Variants in POU2F1 observed in about 807,000 individuals in gnomAD.
POU2F1 encodes the protein POU class 2 homeobox 1.
A neutral mutation model predicts 84.9 loss-of-function variants in POU2F1; 16 were observed. The ratio of observed to expected loss-of-function variants is 0.19; its 90% CI spans 0.13 to 0.29. The LOEUF (loss-of-function observed/expected upper bound fraction) is 0.29. Among genes scored for constraint, POU2F1 ranks in the 10% least tolerant of loss-of-function variants. The pLI is 1.00. For missense variants in POU2F1, 738 were observed against 942.6 expected, an observed-to-expected ratio of 0.78 and a Z score of 2.84; for synonymous variants, 368 against 368.3, an observed-to-expected ratio of 1.00 and a Z score of 0.01.
intron 1 of POU2F1, among the ~76,000 whole-genome samples, chr1:167,309,548 T>C (rs916655444): frequency 6.6e-6 from 1 of 152,192 alleles, no homozygotes; most frequent in African/African-American, 2.4e-5. Context: ...CCCCATCTAA[T>C]GACTTTTGGA....
intron 1 of POU2F1, among the ~76,000 whole-genome samples, chr1:167,252,155 G>GC (rs1650781223): frequency 1.3e-5 from 2 of 151,844 alleles, no homozygotes; most frequent in Admixed American, 6.6e-5. Flanking sequence ...AGCCACCGCT[G>GC]CAAGTCTCTT....
In POU2F1 at chr1:167,420,348, G is replaced by T. The variant is rs1370983809; in HGVS notation, c.*4538G>T. The T allele has an allele frequency of 2.0e-5, 3 of 151,990 alleles. No homozygotes were observed. Among genetic ancestry groups the T allele is most frequent in the Admixed American group, 1.3e-4 (2 of 15,266 alleles). 9.4% of individuals were successfully genotyped at this position (151,990 alleles called of 1,614,324 possible). Reference sequence around the variant, plus strand: ...CCGGCTAATTTTTGTATTTTTAGTAGGGACGGGATTTCTCCGTGTTGGCCA... The same window carrying T: ...CCGGCTAATTTTTGTATTTTTAGTATGGACGGGATTTCTCCGTGTTGGCCA... On this transcript the variant is annotated 3_prime_UTR_variant, in exon 16 of 16. Transcript: ENST00000367866.
At chr1:167,388,834 A>T (rs572262985) in intron 8 of POU2F1, among the ~76,000 whole-genome samples, 10 of 152,324 alleles carry the variant, frequency 6.6e-5, no homozygotes, top group African/African-American at 2.4e-4. Context: ...GTGTTAGCAT[A>T]GGCTTAGAGA....
chr1:167,263,985 C>A (rs1320686789), intron 1 of POU2F1, among the ~76,000 whole-genome samples: 1 of 152,092 alleles, frequency 6.6e-6, no homozygotes, highest in Admixed American at 6.5e-5. Flanking sequence ...TGTGGCCAAT[C>A]CTGGGTTATG....
intron 2 of POU2F1, among the ~76,000 whole-genome samples, chr1:167,344,878 A>G (rs1658088751): frequency 6.6e-6 from 1 of 152,210 alleles, no homozygotes; most frequent in Non-Finnish European, 1.5e-5. Context: ...CAGATGATGC[A>G]GCCATAAAAA....
At chr1:167,377,947 G>A (rs1472057403) in intron 7 of POU2F1, among the ~76,000 whole-genome samples, 1 of 152,076 alleles carries the variant, frequency 6.6e-6, no homozygotes, top group African/African-American at 2.4e-5. Context: ...ATCCAGTCTA[G>A]TGTTGATGGA....
At chr1:167,340,125 G>C (rs1657734071) in intron 2 of POU2F1, among the ~76,000 whole-genome samples, 1 of 152,176 alleles carries the variant, frequency 6.6e-6, no homozygotes, top group Non-Finnish European at 1.5e-5. Flanking sequence ...CGTTGCCCAG[G>C]CTGGAGTGCA....
intron 1 of POU2F1, among the ~76,000 whole-genome samples, chr1:167,240,908 C>G (rs564523717): frequency 6.6e-6 from 1 of 152,116 alleles, no homozygotes; most frequent in Non-Finnish European, 1.5e-5. Context: ...ATTGGGAGGC[C>G]TAGGTGGGCG....
chr1:167,325,837 T>C lies in POU2F1; in HGVS notation c.62-6633T>C, dbSNP rs537220352. On this transcript the variant is annotated intron_variant, in intron 1 of 15. Coordinates refer to ENST00000367866, the MANE Select transcript of POU2F1 (RefSeq NM_002697.4). ...CTAGAAGGCAGAGGTTGTAGCAAGCTGAGATTGTGCCACTGCACTCCAGCA... is the reference window on the plus strand; with the variant it reads ...CTAGAAGGCAGAGGTTGTAGCAAGCCGAGATTGTGCCACTGCACTCCAGCA... 4.0e-5 allele frequency among the ~76,000 whole-genome samples: 6 copies of C among 148,908 alleles called. No homozygotes were observed. The South Asian group carries it at 1.3e-3, about 31-fold the overall frequency.
intron 1 of POU2F1, among the ~76,000 whole-genome samples, chr1:167,259,644 A>G (rs1051361889): frequency 2.6e-5 from 4 of 152,118 alleles, no homozygotes; most frequent in African/African-American, 7.2e-5. Flanking sequence ...TAAGCCTAGA[A>G]GTGGAATTGT....
intron 1 of POU2F1, among the ~76,000 whole-genome samples, chr1:167,293,496 G>T (rs1302224221): frequency 1.3e-5 from 2 of 152,152 alleles, no homozygotes; most frequent in Non-Finnish European, 2.9e-5. Context: ...ACAAATAGAA[G>T]CACAACTCAT....
intron 12 of POU2F1, among the ~76,000 whole-genome samples, chr1:167,400,040 A>G (rs955852282): frequency 2.0e-5 from 2 of 101,622 alleles, no homozygotes; most frequent in African/African-American, 3.9e-5. Context: ...CTGGAGTGCA[A>G]TGGTACGATT....
chr1:167,262,020 A>G (rs1432569138), intron 1 of POU2F1, among the ~76,000 whole-genome samples: 1 of 152,042 alleles, frequency 6.6e-6, no homozygotes, highest in African/African-American at 2.4e-5. Context: ...TATTTTTCTG[A>G]TTGCTTTGAA....
At position 167,365,576 on chromosome 1, in the gene POU2F1, G is replaced by C. The variant is rs773269855; in HGVS notation, c.228+9G>C. On this transcript the variant is annotated intron_variant, in intron 3 of 15. Coordinates refer to ENST00000367866, the MANE Select transcript of POU2F1 (RefSeq NM_002697.4). ...TTGGACATCTCCATCAGGTAGGAAT[G>C]TTCTGCTCAACCATCAGTGAGAGTG... The C allele has an allele frequency of 1.3e-5, 21 of 1,568,514 alleles. No individual in the cohort carries two copies. Among genetic ancestry groups the C allele is most frequent in the Admixed American group, 3.8e-5 (2 of 53,224 alleles).
chr1:167,232,431 T>A (rs1340126787), intron 1 of POU2F1, among the ~76,000 whole-genome samples: 1 of 152,160 alleles, frequency 6.6e-6, no homozygotes, highest in East Asian at 1.9e-4. Context: ...TTTAAAAAAT[T>A]TAAATAGATA....
chr1:167,307,776 G>T (rs116734541), intron 1 of POU2F1, among the ~76,000 whole-genome samples: 3 of 152,220 alleles, frequency 2.0e-5, no homozygotes, highest in African/African-American at 7.2e-5. Flanking sequence ...TTTGCCACTT[G>T]TCCCCAAAAT....
rs1650712542 is a variant in POU2F1, at chr1:167,422,621, C to T, written c.*6811C>T. 6.6e-6 allele frequency: 1 copy of T among 152,130 alleles called. No individual in the cohort carries two copies. Among genetic ancestry groups the T allele is most frequent in the South Asian group, 2.1e-4 (1 of 4,830 alleles). 9.4% of individuals were successfully genotyped at this position (152,130 alleles called of 1,614,324 possible). A position where few individuals can be genotyped will look rare whatever the true frequency, so the allele number is the denominator to read the frequency against. ...TGCTGGCTTAGGAAAAATCACAAGC[C>T]CTTTCTGCCCATACTCTGGGACAAA... is the stretch of plus-strand genomic sequence containing the variant. On this transcript the variant is annotated 3_prime_UTR_variant, in exon 16 of 16. Transcript: ENST00000367866.
intron 1 of POU2F1, chr1:167,329,229 C>T (rs1656914234): frequency 1.9e-6 from 3 of 1,542,632 alleles, no homozygotes; most frequent in Admixed American, 2.0e-5. Context: ...AAACTGCTAC[C>T]TGTTTCTTCC....
chr1:167,271,545 G>C (rs1012595625), intron 1 of POU2F1, among the ~76,000 whole-genome samples: 1 of 152,180 alleles, frequency 6.6e-6, no homozygotes, highest in Non-Finnish European at 1.5e-5. Flanking sequence ...AAGGAAGTAG[G>C]ATGTGTAAAA....
Sources: allele counts gnomAD v4.1 joint callset (sites outside exome capture counted in the v4.1 genomes callset), GRCh38; gene constraint gnomAD v4.1.1; transcripts MANE v1.5; gene names NCBI Gene and HGNC (gene_info 2026-07-23, HGNC 2026-07-21).